Variants in NCOR1 observed in about 807,000 individuals in gnomAD.
NCOR1 encodes the protein protein phosphatase 1, regulatory subunit 109.
In NCOR1, 63 loss-of-function variants were observed where a neutral mutation model predicts 288.1. That is an observed-to-expected ratio of 0.22 (90% CI 0.18 to 0.27). NCOR1 has a LOEUF of 0.27. NCOR1 is among the 10% of genes least tolerant of loss of function. The pLI is 1.00. For synonymous variants in NCOR1, 1,007 were observed against 1,065.9 expected (o/e 0.94, Z 1.08); for missense variants, 2,397 against 3,019.2 (o/e 0.79, Z 4.83).
At position 16,101,738 on chromosome 17, in the gene NCOR1, G is replaced by A. The variant is rs755394382; in HGVS notation, c.2202C>T (p.Ser734=). 13 of 1,614,014 alleles carry A rather than the reference G, an allele frequency of 8.1e-6. No individual in the cohort carries two copies. Among genetic ancestry groups the A allele is most frequent in the Middle Eastern group, 1.6e-4 (1 of 6,084 alleles). ...AAGTAGCATTTTCAGGACTGTCCTC[G>A]CTGGGCTTGACAGCTTCAACTGGTG... ...EDSEVEAVKP[S]EDSPENATSR... The change falls in exon 20 of 46, where the codon AGC becomes AGT. Residue 734 remains serine (S), a synonymous_variant. Coordinates refer to ENST00000268712, the MANE Select transcript of NCOR1 (RefSeq NM_006311.4).
At chr17:16,039,131 T>A in intron 44 of NCOR1, 1 of 264,188 alleles carries the variant, frequency 3.8e-6, no homozygotes, top group Non-Finnish European at 7.3e-6. Context: ...TTCAAAAACA[T>A]TATATTTGTG....
chr17:16,133,364 G>C (rs2075942778), intron 14 of NCOR1, among the ~76,000 whole-genome samples: 1 of 152,314 alleles, frequency 6.6e-6, no homozygotes, highest in South Asian at 2.1e-4. Context: ...CATATTGACA[G>C]GATCAAGCAT....
intron 18 of NCOR1, among the ~76,000 whole-genome samples, chr17:16,111,529 G>A (rs1037743879): frequency 1.3e-5 from 2 of 152,016 alleles, no homozygotes; most frequent in African/African-American, 4.8e-5. Context: ...TTGAGCCCAG[G>A]AGGCAGAGGT....
At chr17:16,175,556 T>C (rs1051835542) in intron 3 of NCOR1, among the ~76,000 whole-genome samples, 5 of 152,186 alleles carry the variant, frequency 3.3e-5, no homozygotes, top group African/African-American at 1.2e-4. Context: ...GATTTCTTGC[T>C]AAAAGAGAAT....
chr17:16,143,463 AACAG>A, intron 11 of NCOR1, 139 bp downstream of exon 11: 1 of 632,022 alleles, frequency 1.6e-6, no homozygotes, highest in Non-Finnish European at 2.7e-6. Context: ...AAAACCCTTT[AACAG>A]ACACTCAAAT....
rs1447224645 is a variant in NCOR1 at position 16,032,431 on chromosome 17, A to T, written c.7188T>A (p.Thr2396=). Residue 2396 remains threonine, a synonymous_variant, in exon 46 of 46, where the codon ACT becomes ACA. Coordinates refer to ENST00000268712, the MANE Select transcript of NCOR1 (RefSeq NM_006311.4). Reference sequence around the variant, plus strand: ...GAGCACATGCAATCGGTGTTGGTGGAGTACTGCTGAGCATCCGCATAGTCA... The same window carrying T: ...GAGCACATGCAATCGGTGTTGGTGGTGTACTGCTGAGCATCCGCATAGTCA... ...NPLTMRMLSS[T]PPTPIACAPS... 5 of 1,613,416 alleles carry T rather than the reference A, an allele frequency of 3.1e-6. No individual in the cohort carries two copies. The highest frequency in any genetic ancestry group is 3.4e-6 in the Non-Finnish European group (4 of 1,179,810).
chr17:16,172,153 T>A (rs1442948357), intron 3 of NCOR1, 158 bp from the exon 4 acceptor site: 2 of 528,760 alleles, frequency 3.8e-6, no homozygotes, highest in Non-Finnish European at 6.5e-6. Context: ...AAAGAATATA[T>A]ACCTCACTAT....
chr17:16,158,843 G>C lies in NCOR1; in HGVS notation c.649C>G (p.Pro217Ala), dbSNP rs1448298815. The C allele has an allele frequency of 6.2e-7, 1 of 1,613,950 alleles. No homozygotes were observed. Among genetic ancestry groups the C allele is most frequent in the Non-Finnish European group, 8.5e-7 (1 of 1,180,002 alleles). Reference sequence around the variant, plus strand: ...GGGGACACGGGCTTCTCAGGCTCAGGAGGTTTAGCTGCCTCTTCTTCAAGC... The same window carrying C: ...GGGGACACGGGCTTCTCAGGCTCAGCAGGTTTAGCTGCCTCTTCTTCAAGC... ...QQLEEEAAKP[P>A]EPEKPVSPPP... Residue 217 changes from proline to alanine, a missense_variant, in exon 6 of 46, where the codon CCT becomes GCT. Transcript: ENST00000268712.
intron 40 of NCOR1, among the ~76,000 whole-genome samples, chr17:16,053,398 G>A (rs2059539497): frequency 6.6e-6 from 1 of 151,994 alleles, no homozygotes; most frequent in Admixed American, 6.6e-5. Flanking sequence ...ACACCAATGA[G>A]AGCCAAGCCA....
chr17:16,112,542 C>G (rs896866889), intron 18 of NCOR1, among the ~76,000 whole-genome samples: 4 of 152,176 alleles, frequency 2.6e-5, no homozygotes, highest in Admixed American at 2.6e-4. Context: ...TGTCGCCCGG[C>G]TGGAGTACAG....
rs2060857640 is a variant in NCOR1, at chr17:16,064,177, T to C, written c.5112A>G (p.Thr1704=). Residue 1704 remains threonine, a synonymous_variant, in exon 35 of 46, where the codon ACA becomes ACG. Transcript: ENST00000268712. ...NSASMSPGHP[T]HLAAAASAER... ...CAGCACTTGCAGCAGCTGCAAGGTG[T>C]GTTGGGTGTCCTGTAAAACATAAAC... 6.2e-7 allele frequency: 1 copy of C among 1,613,832 alleles called. No individual in the cohort carries two copies. The highest frequency in any genetic ancestry group is 8.5e-7 in the Non-Finnish European group (1 of 1,179,830).
intron 13 of NCOR1, 98 bp downstream of exon 13, chr17:16,138,060 C>T (rs367875187): frequency 6.8e-6 from 6 of 884,670 alleles, no homozygotes; most frequent in South Asian, 1.6e-5. Context: ...TTTTTAAAAT[C>T]GGTTCTAGTT....
intron 13 of NCOR1, chr17:16,137,934 T>C: frequency 4.4e-6 from 2 of 459,094 alleles, no homozygotes; most frequent in Non-Finnish European, 7.6e-6. Flanking sequence ...CTATGTGTTT[T>C]AGGGAAATAA....
chr17:16,212,271 G>A (rs553002082), intron 1 of NCOR1, among the ~76,000 whole-genome samples: 137 of 138,392 alleles, frequency 9.9e-4, no homozygotes, highest in Middle Eastern at 3.8e-3. Flanking sequence ...TGTCTCAAAG[G>A]AAAAAAAAAG....
intron 42 of NCOR1, among the ~76,000 whole-genome samples, chr17:16,045,220 T>C (rs1567680674): frequency 6.6e-6 from 1 of 152,186 alleles, no homozygotes; most frequent in Admixed American, 6.5e-5. Context: ...TAAGATGCTA[T>C]GAGTATGGAA....
chr17:16,059,718 C>G (rs2152567807), intron 37 of NCOR1, among the ~76,000 whole-genome samples: 1 of 152,280 alleles, frequency 6.6e-6, no homozygotes, highest in South Asian at 2.1e-4. Flanking sequence ...ACTGTCAGAG[C>G]TCCAAAGGGT....
intron 3 of NCOR1, among the ~76,000 whole-genome samples, chr17:16,176,732 C>T (rs535817960): frequency 5.3e-5 from 8 of 152,170 alleles, no homozygotes; most frequent in Admixed American, 1.3e-4. Flanking sequence ...CTCAATTCTG[C>T]TATGTAGAAG....
At chr17:16,202,947 A>G (rs2091023744) in intron 1 of NCOR1, among the ~76,000 whole-genome samples, 1 of 152,164 alleles carries the variant, frequency 6.6e-6, no homozygotes, top group African/African-American at 2.4e-5. Flanking sequence ...GGTAAAGATC[A>G]GCTCTGTTCT....
intron 1 of NCOR1, among the ~76,000 whole-genome samples, chr17:16,204,360 T>C (rs1393532725): frequency 6.6e-6 from 1 of 152,130 alleles, no homozygotes; most frequent in African/African-American, 2.4e-5. Context: ...ATCAAAGAAT[T>C]AGAAGTTTTA....
Sources: allele counts gnomAD v4.1 joint callset (sites outside exome capture counted in the v4.1 genomes callset), GRCh38; gene constraint gnomAD v4.1.1; transcripts MANE v1.5; gene names NCBI Gene and HGNC (gene_info 2026-07-23, HGNC 2026-07-21).